The following CSMD1 variants were observed in gnomAD, a reference collection of about 807,000 sequenced individuals.
CSMD1 encodes CUB and Sushi multiple domains 1, also known as CUB and sushi domain-containing protein 1.
In CSMD1, 213 loss-of-function variants were observed where a neutral mutation model predicts 417.5. That is an observed-to-expected ratio of 0.51 (90% confidence interval 0.46 to 0.57). CSMD1 has a LOEUF of 0.57. Among genes scored for constraint, CSMD1 ranks in the 20% least tolerant of loss-of-function variants. The pLI, the probability that CSMD1 is intolerant of heterozygous loss-of-function variation, is 0.00. For missense variants in CSMD1, 6,923 were observed against 4,529.7 expected (o/e 1.53, Z -15.17); for synonymous variants, 2,862 against 1,736.8 (o/e 1.65, Z -16.11).
intron 1 of CSMD1, among the ~76,000 whole-genome samples, chr8:4,924,001 T>A (rs886983050): frequency 6.6e-6 from 1 of 152,186 alleles, no homozygotes; most frequent in Non-Finnish European, 1.5e-5. Flanking sequence ...AGTTTTATAA[T>A]AGAATTCATT....
At chr8:3,129,051 T>C (rs1563070410) in intron 41 of CSMD1, among the ~76,000 whole-genome samples, 1 of 152,196 alleles carries the variant, frequency 6.6e-6, no homozygotes, top group Non-Finnish European at 1.5e-5. Flanking sequence ...AGAGGACTTA[T>C]GCTTTCTAAC....
At chr8:4,290,804 GA>G (rs761607365) in intron 3 of CSMD1, among the ~76,000 whole-genome samples, 1 of 152,140 alleles carries the variant, frequency 6.6e-6, no homozygotes, top group Non-Finnish European at 1.5e-5. Flanking sequence ...TTACTTTCAA[GA>G]AATCACAATT....
At chr8:4,761,074 T>C (rs533835625) in intron 1 of CSMD1, among the ~76,000 whole-genome samples, 5 of 152,206 alleles carry the variant, frequency 3.3e-5, no homozygotes, top group African/African-American at 1.2e-4. Context: ...TTAGCAGAAG[T>C]ATGTGTTTGT....
At chr8:3,359,466 A>T in intron 20 of CSMD1, 126 bp from the exon 21 acceptor site, 1 of 696,546 alleles carries the variant, frequency 1.4e-6, no homozygotes, top group Non-Finnish European at 2.3e-6. Context: ...TTTTCCCCAA[A>T]CACTTATAAC....
Position 3,772,331 on chromosome 8 carries a change from T to G in CSMD1, c.819-18289A>C, listed in dbSNP as rs1042455162. Reference sequence around the variant, plus strand: ...TTTAGACATACATATGTACATATATTTAGACATACATATATACATATATTT... The same window carrying G: ...TTTAGACATACATATGTACATATATGTAGACATACATATATACATATATTT... On this transcript the variant is annotated intron_variant, in intron 5 of 69. Coordinates refer to ENST00000635120, the MANE Select transcript of CSMD1 (RefSeq NM_033225.6). Among the ~76,000 whole-genome samples, 59 of 53,760 alleles carry G rather than the reference T, an allele frequency of 1.1e-3. 7 individuals carry two copies. Among genetic ancestry groups the G allele is most frequent in the East Asian group, 2.2e-3 (5 of 2,272 alleles). 35.3% of individuals were successfully genotyped at this position (53,760 alleles called of 152,430 possible). A position where few individuals can be genotyped will look rare whatever the true frequency, so the allele number is the denominator to read the frequency against.
intron 12 of CSMD1, among the ~76,000 whole-genome samples, chr8:3,422,637 A>G (rs957064220): frequency 6.6e-6 from 1 of 152,184 alleles, no homozygotes. Context: ...AGTGGGAAAT[A>G]AATTAAATAT....
intron 2 of CSMD1, among the ~76,000 whole-genome samples, chr8:4,452,096 T>C (rs373926445): frequency 6.6e-6 from 1 of 152,130 alleles, no homozygotes; most frequent in African/African-American, 2.4e-5. Flanking sequence ...CTTTAGAAAT[T>C]TAGGGCAGTG....
chr8:3,887,793 A>G (rs1470409142), intron 5 of CSMD1, among the ~76,000 whole-genome samples: 3 of 152,204 alleles, frequency 2.0e-5, no homozygotes, highest in Non-Finnish European at 4.4e-5. Flanking sequence ...GTATCAGAAA[A>G]GGCATTTTGC....
In CSMD1 at chr8:4,628,546, A is replaced by C. The variant is rs534322304; in HGVS notation, c.302+8796T>G. Among the ~76,000 whole-genome samples the C allele has an allele frequency of 2.1e-4, 32 of 151,952 alleles. No individual in the cohort carries two copies. In the South Asian group the frequency reaches 6.4e-3, roughly 31 times the overall value. On this transcript the variant is annotated intron_variant, in intron 2 of 69. Coordinates refer to ENST00000635120, the MANE Select transcript of CSMD1 (RefSeq NM_033225.6). ...AGAGAAAGAGACATAGGATAAGCAT[A>C]AACACAGATGTAATTCAGTGTAAGA...
intron 62 of CSMD1, 53 bp from the exon 63 acceptor site, chr8:2,957,860 T>C: frequency 8.1e-7 from 1 of 1,233,250 alleles, no homozygotes; most frequent in Non-Finnish European, 1.2e-6. Context: ...ATACGAAGTG[T>C]CAACTAGTGA....
chr8:3,992,941 G>C (rs577578330), intron 5 of CSMD1, among the ~76,000 whole-genome samples: 1 of 152,332 alleles, frequency 6.6e-6, no homozygotes, highest in East Asian at 1.9e-4. Flanking sequence ...ACATGGGATA[G>C]GTCAAGTTCA....
intron 3 of CSMD1, among the ~76,000 whole-genome samples, chr8:4,350,471 G>C (rs1045487591): frequency 2.0e-5 from 3 of 152,162 alleles, no homozygotes; most frequent in Non-Finnish European, 4.4e-5. Context: ...CTCTTTGCCT[G>C]CTACAAACCA....
chr8:3,187,873 G>C lies in CSMD1; in HGVS notation c.5616C>G (p.Phe1872Leu). ...GDVTAPRLGS[F>L]SGTTVPALLN... Reference sequence around the variant, plus strand: ...AGGAAATTGACTCCATCTTACCTGAGAAGCTTCCCAGTCTGGGTGCGGTCA... The same window carrying C: ...AGGAAATTGACTCCATCTTACCTGACAAGCTTCCCAGTCTGGGTGCGGTCA... The change falls in exon 36 of 70, where the codon TTC becomes TTG. Residue 1872 changes from phenylalanine (F) to leucine (L), a missense_variant. Phe to Leu is a conservative substitution (Grantham distance 22, BLOSUM62 0). Coordinates refer to ENST00000635120, the MANE Select transcript of CSMD1 (RefSeq NM_033225.6). 1 of 1,612,416 alleles carries C rather than the reference G, an allele frequency of 6.2e-7. No homozygotes were observed. The highest frequency in any genetic ancestry group is 8.5e-7 in the Non-Finnish European group (1 of 1,179,104).
chr8:4,323,301 G>C (rs554612759), intron 3 of CSMD1, among the ~76,000 whole-genome samples: 2 of 152,102 alleles, frequency 1.3e-5, no homozygotes, highest in African/African-American at 4.8e-5. Flanking sequence ...ATTTCACACA[G>C]TCTTACTCTA....
intron 26 of CSMD1, among the ~76,000 whole-genome samples, chr8:3,230,850 T>C (rs1043659742): frequency 1.7e-4 from 26 of 152,158 alleles, no homozygotes; most frequent in African/African-American, 6.3e-4. Context: ...ACAAAAGCTC[T>C]GAAAATAATA....
At chr8:3,687,775 GT>G (rs1450169886) in intron 7 of CSMD1, among the ~76,000 whole-genome samples, 5 of 152,130 alleles carry the variant, frequency 3.3e-5, no homozygotes, top group African/African-American at 1.2e-4. Context: ...AGTCTGGCCT[GT>G]AAAAACACTT....
chr8:3,071,689 G>C (rs1365889434), intron 49 of CSMD1, among the ~76,000 whole-genome samples: 1 of 152,022 alleles, frequency 6.6e-6, no homozygotes, highest in Non-Finnish European at 1.5e-5. Flanking sequence ...TGGAAAATGT[G>C]AGCAAAAAAA....
intron 3 of CSMD1, among the ~76,000 whole-genome samples, chr8:4,067,361 G>A (rs970249236): frequency 2.0e-5 from 3 of 152,214 alleles, no homozygotes; most frequent in Non-Finnish European, 4.4e-5. Context: ...ATTTTAAAGT[G>A]ATTCGGGAGT....
chr8:3,947,048 C>A (rs1003730064), intron 5 of CSMD1, among the ~76,000 whole-genome samples: 2 of 152,116 alleles, frequency 1.3e-5, no homozygotes, highest in Non-Finnish European at 2.9e-5. Context: ...ATGGCACTTG[C>A]TTGGTAACTT....
Sources: gnomAD v4.1 joint callset for allele counts (sites outside exome capture counted in the v4.1 genomes callset) on GRCh38, gnomAD v4.1.1 for gene constraint, MANE v1.5 for transcripts, NCBI Gene and HGNC (gene_info 2026-07-23, HGNC 2026-07-21) for gene names.